The following ALDH7A1 variants were observed in gnomAD, a reference collection of about 807,000 sequenced individuals.
ALDH7A1 encodes alpha-aminoadipic semialdehyde dehydrogenase.
ALDH7A1 carries 63 observed loss-of-function variants against 79.9 expected under a neutral mutation model. The ratio of observed to expected loss-of-function variants is 0.79; its 90% CI spans 0.64 to 0.97. The LOEUF is 0.97. Ranked by LOEUF, ALDH7A1 falls within the 50% of genes least tolerant of loss-of-function variation. ALDH7A1 has a pLI of 0.00. For synonymous variants in ALDH7A1, 240 were observed against 231.2 expected, an observed-to-expected ratio of 1.04 and a Z score of -0.34; for missense variants, 627 against 665.2, an observed-to-expected ratio of 0.94 and a Z score of 0.63.
chr5:126,575,203 CAATAT>C (rs1159985230), intron 7 of ALDH7A1, among the ~76,000 whole-genome samples: 1 of 152,146 alleles, frequency 6.6e-6, no homozygotes, highest in Non-Finnish European at 1.5e-5. Flanking sequence ...AGAGTTCAAT[CAATAT>C]GTCAATATCT....
Position 126,547,347 on chromosome 5 carries a change from A to T in ALDH7A1, c.1490-948T>A, listed in dbSNP as rs989776699. On this transcript the variant is annotated intron_variant, in intron 16 of 17. Transcript: ENST00000409134. ...GAGTAGGGAGAGAGCGAATAAAAGC[A>T]GAAGAAACAAGTCCTAGTCAAAATC... 3.9e-5 allele frequency among the ~76,000 whole-genome samples: 6 copies of T among 152,334 alleles called. No individual in the cohort carries two copies. The South Asian group carries it at 8.3e-4, about 21-fold the overall frequency.
chr5:126,591,956 G>T (rs1751568518), intron 3 of ALDH7A1: 1 of 146,200 alleles, frequency 6.8e-6, no homozygotes, highest in African/African-American at 2.6e-5. Flanking sequence ...TTGAGATGGA[G>T]TCTCACTCTG....
chr5:126,558,714 C>T (rs1457010189), intron 11 of ALDH7A1, among the ~76,000 whole-genome samples: 1 of 151,762 alleles, frequency 6.6e-6, no homozygotes, highest in Non-Finnish European at 1.5e-5. Flanking sequence ...TTTATAAAGA[C>T]AGGGAATCAC....
chr5:126,555,482 C>CAAAA (rs762878623), intron 12 of ALDH7A1: 59 of 74,450 alleles, frequency 7.9e-4, no homozygotes, highest in African/African-American at 8.8e-4. Flanking sequence ...AACTGTGTCT[C>CAAAA]AAAAAAAAAA....
intron 14 of ALDH7A1, among the ~76,000 whole-genome samples, chr5:126,550,787 T>A (rs1337293051): frequency 1.3e-5 from 2 of 152,228 alleles, no homozygotes; most frequent in African/African-American, 4.8e-5. Flanking sequence ...GAAACAATGA[T>A]AGGCAATTTA....
At chr5:126,553,703 G>A (rs1338273576) in intron 13 of ALDH7A1, among the ~76,000 whole-genome samples, 2 of 151,126 alleles carry the variant, frequency 1.3e-5, no homozygotes, top group African/African-American at 2.4e-5. Context: ...AGAGCAAGAC[G>A]CAGGAGCCTG....
In ALDH7A1 at chr5:126,546,489, C is replaced by G. The variant is rs529944296; in HGVS notation, c.1490-90G>C. 491 of 1,144,938 alleles carry G rather than the reference C, an allele frequency of 4.3e-4. 9 individuals carry two copies. The South Asian group carries it at 6.0e-3, about 14-fold the overall frequency. 70.9% of individuals were successfully genotyped at this position (1,144,938 alleles called of 1,614,324 possible). A position where few individuals can be genotyped will look rare whatever the true frequency, so the allele number is the denominator to read the frequency against. On this transcript the variant is annotated intron_variant, in intron 16 of 17. Coordinates refer to ENST00000409134, the MANE Select transcript of ALDH7A1 (RefSeq NM_001182.5). ...CAATGAAAAGAAGATACCAAAAGGA[C>G]ACCAGAACAACCTGATTATTTACTT... is the stretch of plus-strand genomic sequence containing the variant.
At chr5:126,566,704 T>C (rs1345601008) in intron 9 of ALDH7A1, among the ~76,000 whole-genome samples, 1 of 152,180 alleles carries the variant, frequency 6.6e-6, no homozygotes, top group Non-Finnish European at 1.5e-5. Flanking sequence ...ATGATCCATA[T>C]GCATATGGAT....
rs1018483380 is a variant in ALDH7A1 at position 126,554,389 on chromosome 5, A to C, written c.1098T>G (p.Asn366Lys). The change falls in exon 13 of 18, where the codon AAT becomes AAG. Residue 366 changes from asparagine (N) to lysine (K), a missense_variant. Physicochemically the swap from Asn to Lys is moderately conservative, Grantham distance 94. Transcript: ENST00000409134. ...QIRVGNPWDPNVLYGPLHTKQ... is the reference protein window; with the variant it reads ...QIRVGNPWDPKVLYGPLHTKQ... ...TGGTGTGGAGTGGCCCATAGAGAACATTAGCTGGAGAGAGAAAAGGAAGGC... is the reference window on the plus strand; with the variant it reads ...TGGTGTGGAGTGGCCCATAGAGAACCTTAGCTGGAGAGAGAAAAGGAAGGC... The C allele has an allele frequency of 6.2e-7, 1 of 1,614,018 alleles. No homozygotes were observed. Among genetic ancestry groups the C allele is most frequent in the Non-Finnish European group, 8.5e-7 (1 of 1,179,896 alleles).
At chr5:126,568,399 C>G in intron 8 of ALDH7A1, 43 bp from the exon 9 acceptor site, 1 of 1,515,076 alleles carries the variant, frequency 6.6e-7, no homozygotes, top group Non-Finnish European at 9.2e-7. Context: ...GCAGAGAAAC[C>G]CAGCAATTAC....
At chr5:126,557,494 G>T (rs962845700) in intron 11 of ALDH7A1, among the ~76,000 whole-genome samples, 4 of 151,832 alleles carry the variant, frequency 2.6e-5, no homozygotes, top group Admixed American at 2.0e-4. Flanking sequence ...GGCTGAGGTG[G>T]GAGAATCACT....
intron 9 of ALDH7A1, among the ~76,000 whole-genome samples, chr5:126,565,101 A>T (rs1312342805): frequency 4.6e-5 from 7 of 152,302 alleles, no homozygotes; most frequent in Non-Finnish European, 4.4e-5. Flanking sequence ...GCCATTTAAG[A>T]TGTCTATTCT....
At chr5:126,568,735 C>G (rs1219956198) in intron 8 of ALDH7A1, 2 of 282,128 alleles carry the variant, frequency 7.1e-6, no homozygotes, top group East Asian at 8.1e-5. Flanking sequence ...TGGGCAGGAC[C>G]AGCCTAGGCA....
intron 1 of ALDH7A1, chr5:126,594,345 G>A: frequency 2.2e-6 from 1 of 456,752 alleles, no homozygotes; most frequent in South Asian, 1.6e-5. Context: ...CACAGCTGAA[G>A]AGCCAGAGTT....
chr5:126,593,548 T>C, intron 1 of ALDH7A1, 144 bp from the exon 2 acceptor site: 1 of 1,143,732 alleles, frequency 8.7e-7, no homozygotes, highest in East Asian at 2.5e-5. Context: ...TTCTGTTACA[T>C]ATAAACCACT....
intron 7 of ALDH7A1, among the ~76,000 whole-genome samples, chr5:126,573,235 G>GGTTTT (rs775952068): frequency 2.0e-5 from 3 of 150,300 alleles, no homozygotes; most frequent in East Asian, 3.9e-4. Flanking sequence ...TATTCTGCTG[G>GGTTTT]GTTTTGTTTT....
chr5:126,595,066 G>T lies in ALDH7A1; in HGVS notation c.133C>A (p.Leu45Met), dbSNP rs757162735. The T allele has an allele frequency of 1.7e-5, 27 of 1,608,998 alleles. 1 individual carries two copies. Among genetic ancestry groups the T allele is most frequent in the South Asian group, 2.2e-5 (2 of 89,802 alleles). ...NQPQYAWLKELGLREENEGVY... is the reference protein window; with the variant it reads ...NQPQYAWLKEMGLREENEGVY... ...CCCTCGTTTTCCTCGCGGAGCCCCA[G>T]CTCTTTCAGCCACGCATACTGGGGC... Residue 45 changes from leucine (L) to methionine (M), a missense_variant, in exon 1 of 18, where the codon CTG becomes ATG. By Grantham distance (15) the Leu-to-Met change is conservative. Coordinates refer to ENST00000409134, the MANE Select transcript of ALDH7A1 (RefSeq NM_001182.5).
At position 126,595,185 on chromosome 5, in the gene ALDH7A1, G is replaced by A. The variant is rs977914775; in HGVS notation, c.14C>T (p.Pro5Leu). The change falls in exon 1 of 18, where the codon CCT becomes CTT. Residue 5 changes from proline (P) to leucine (L), a missense_variant. Physicochemically the swap from Pro to Leu is moderately conservative, Grantham distance 98 (BLOSUM62 -3). Transcript: ENST00000409134. ...TGCAGCGTGCACACACAGCGCGCGA[G>A]GAAGGCGCCACATACTGAGCCCGGG... MWRL[P>L]RALCVHAAKT... 1.3e-6 allele frequency: 2 copies of A among 1,552,348 alleles called. No individual in the cohort carries two copies. Among genetic ancestry groups the A allele is most frequent in the East Asian group, 2.4e-5 (1 of 40,936 alleles).
chr5:126,547,349 A>C (rs947761628), intron 16 of ALDH7A1, among the ~76,000 whole-genome samples: 42 of 152,324 alleles, frequency 2.8e-4, no homozygotes, highest in Admixed American at 6.5e-4. Flanking sequence ...ATAAAAGCAG[A>C]AGAAACAAGT....
Sources: allele counts gnomAD v4.1 joint callset (sites outside exome capture counted in the v4.1 genomes callset), GRCh38; gene constraint gnomAD v4.1.1; transcripts MANE v1.5; gene names NCBI Gene and HGNC (gene_info 2026-07-23, HGNC 2026-07-21).